The following ELAVL2 variants were observed in gnomAD, a reference collection of about 807,000 sequenced individuals.
ELAVL2 encodes the protein ELAV like RNA binding protein 2.
In ELAVL2, 4 loss-of-function variants were observed where a neutral mutation model predicts 34.6. The ratio of observed to expected loss-of-function variants is 0.12; its 90% CI spans 0.06 to 0.26. The LOEUF is 0.26. Among genes scored for constraint, ELAVL2 ranks in the 10% least tolerant of loss-of-function variants. The probability of loss-of-function intolerance (pLI) is 1.00; values close to 1 mark genes in which losing one functional copy is unlikely to be tolerated. For missense variants in ELAVL2, 432 were observed against 442.8 expected, an observed-to-expected ratio of 0.98 and a Z score of 0.22; for synonymous variants, 193 against 154.8, an observed-to-expected ratio of 1.25 and a Z score of -1.83.
At chr9:23,732,249 T>G (rs1316228166) in intron 2 of ELAVL2, among the ~76,000 whole-genome samples, 1 of 152,180 alleles carries the variant, frequency 6.6e-6, no homozygotes, top group Non-Finnish European at 1.5e-5. Context: ...CAATGTGGGT[T>G]TTTAGGACAG....
Position 23,735,162 on chromosome 9 carries a change from C to CA in ELAVL2, c.230-4038dup, listed in dbSNP as rs778150522. 2.4e-4 allele frequency: 24 copies of CA among 101,290 alleles called. No homozygotes were observed. The East Asian group carries it at 6.2e-3, about 26-fold the overall frequency. The allele number at this position is 101,290 out of a possible 1,614,324, so 6.3% of individuals were successfully genotyped here. A position where few individuals can be genotyped will look rare whatever the true frequency, so the allele number is the denominator to read the frequency against. ...AAAAACAAATCCTGTCTTTAAATGC[C>CA]AAAAAATTTGCCTGGTAACTGAACA... On this transcript the variant is annotated intron_variant, in intron 2 of 6. Transcript: ENST00000397312.
At chr9:23,791,024 A>G (rs531726617) in intron 1 of ELAVL2, among the ~76,000 whole-genome samples, 9 of 152,300 alleles carry the variant, frequency 5.9e-5, no homozygotes, top group South Asian at 2.1e-4. Flanking sequence ...TCTTCTAAAT[A>G]TATGTTCTGT....
At chr9:23,707,381 T>C (rs898734448) in intron 3 of ELAVL2, among the ~76,000 whole-genome samples, 2 of 152,334 alleles carry the variant, frequency 1.3e-5, no homozygotes, top group South Asian at 2.1e-4. Flanking sequence ...TAGGATTCTA[T>C]GGCTTTTTTT....
chr9:23,813,652 G>T (rs1208944193), intron 1 of ELAVL2, among the ~76,000 whole-genome samples: 3 of 152,174 alleles, frequency 2.0e-5, no homozygotes, highest in Non-Finnish European at 2.9e-5. Flanking sequence ...CCCAGGGGGG[G>T]AGGAGAGAAA....
At chr9:23,816,556 G>T (rs4977892) in intron 1 of ELAVL2, among the ~76,000 whole-genome samples, 26,502 of 151,990 alleles carry the variant, frequency 0.17, 2,643 homozygotes, top group Admixed American at 0.27. Context: ...AAAACCCAAG[G>T]ATTAAATCTA....
chr9:23,796,441 T>G (rs1242812785), intron 1 of ELAVL2, among the ~76,000 whole-genome samples: 1 of 152,240 alleles, frequency 6.6e-6, no homozygotes, highest in African/African-American at 2.4e-5. Flanking sequence ...ATCAATCTTT[T>G]CAGTCAGATG....
chr9:23,754,863 T>C (rs1187041542), intron 2 of ELAVL2, among the ~76,000 whole-genome samples: 1 of 152,100 alleles, frequency 6.6e-6, no homozygotes, highest in Non-Finnish European at 1.5e-5. Flanking sequence ...AGTATAAATT[T>C]CCCATGGGAA....
chr9:23,846,950 C>T, the ELAVL2 span, among the ~76,000 whole-genome samples: 1 of 151,930 alleles, frequency 6.6e-6, no homozygotes, highest in Non-Finnish European at 1.5e-5. Context: ...GATTCACATC[C>T]TCACTTTATG....
chr9:23,701,682 T>G, intron 4 of ELAVL2, 78 bp from the exon 5 acceptor site: 1 of 1,458,012 alleles, frequency 6.9e-7, no homozygotes, highest in Non-Finnish European at 9.4e-7. Flanking sequence ...GACACATTAA[T>G]TTTTCCTTCT....
intron 1 of ELAVL2, chr9:23,821,975 G>A (rs2138612026): frequency 6.6e-6 from 1 of 151,606 alleles, no homozygotes; most frequent in East Asian, 2.0e-4. Context: ...GTGCCGGCAG[G>A]GAGATGCCGG....
chr9:23,756,588 G>A (rs1378327774), intron 2 of ELAVL2, among the ~76,000 whole-genome samples: 1 of 151,942 alleles, frequency 6.6e-6, no homozygotes, highest in Non-Finnish European at 1.5e-5. Context: ...GCTCGCACAC[G>A]TGCTTTCAGC....
chr9:23,781,767 C>A (rs1299172497), intron 1 of ELAVL2, among the ~76,000 whole-genome samples: 1 of 152,060 alleles, frequency 6.6e-6, no homozygotes, highest in African/African-American at 2.4e-5. Context: ...ATTCTCTGCT[C>A]ACCGCAAACT....
At chr9:23,804,960 A>T (rs2062030838) in intron 1 of ELAVL2, among the ~76,000 whole-genome samples, 1 of 152,192 alleles carries the variant, frequency 6.6e-6, no homozygotes, top group Admixed American at 6.5e-5. Flanking sequence ...GTTATATATA[A>T]GAAATGTACA....
chr9:23,811,747 ACTCTT>A (rs2063035833), intron 1 of ELAVL2, among the ~76,000 whole-genome samples: 1 of 152,026 alleles, frequency 6.6e-6, no homozygotes, highest in Non-Finnish European at 1.5e-5. Flanking sequence ...CCTCAGATCT[ACTCTT>A]CTGGGACAAC....
chr9:23,717,146 T>G (rs1043438432), intron 3 of ELAVL2, among the ~76,000 whole-genome samples: 6 of 152,218 alleles, frequency 3.9e-5, no homozygotes, highest in African/African-American at 1.4e-4. Context: ...GAAAAACTGC[T>G]TTGCAACAAT....
At chr9:23,772,373 G>A (rs912073374) in intron 1 of ELAVL2, among the ~76,000 whole-genome samples, 7 of 151,868 alleles carry the variant, frequency 4.6e-5, no homozygotes, top group African/African-American at 1.7e-4. Flanking sequence ...AGACAAGGAA[G>A]GTTTATGGAC....
At chr9:23,779,507 A>C (rs1263035260) in intron 1 of ELAVL2, 1 of 625,568 alleles carries the variant, frequency 1.6e-6, no homozygotes, top group Non-Finnish European at 2.0e-6. Context: ...AAACTAATGC[A>C]TTCTTCCCTG....
At chr9:23,705,217 T>A in intron 3 of ELAVL2, 146 bp from the exon 4 acceptor site, 1 of 878,302 alleles carries the variant, frequency 1.1e-6, no homozygotes, top group African/African-American at 1.7e-5. Flanking sequence ...GCTTTATTCA[T>A]TTCCAGGAAA....
At chr9:23,800,227 G>A (rs1457642419) in intron 1 of ELAVL2, among the ~76,000 whole-genome samples, 4 of 152,168 alleles carry the variant, frequency 2.6e-5, no homozygotes, top group Non-Finnish European at 5.9e-5. Context: ...GCTTGGATAG[G>A]TGGAGTGACT....
Sources: allele counts gnomAD v4.1 joint callset (sites outside exome capture counted in the v4.1 genomes callset), GRCh38; gene constraint gnomAD v4.1.1; transcripts MANE v1.5; gene names NCBI Gene and HGNC (gene_info 2026-07-23, HGNC 2026-07-21).